MAPRE2: variants seen among roughly 807,000 people sequenced by gnomAD.
The protein encoded by MAPRE2 is microtubule associated protein RP/EB family member 2.
Under a neutral mutation model 43.2 loss-of-function variants are expected in MAPRE2, and 13 were observed. The observed-to-expected ratio is 0.30, with a 90% CI of 0.20 to 0.48. MAPRE2 has a LOEUF of 0.48. Ranked by LOEUF, MAPRE2 falls within the 20% of genes least tolerant of loss-of-function variation. The probability of loss-of-function intolerance (pLI) is 0.99; values close to 1 mark genes in which losing one functional copy is unlikely to be tolerated. For synonymous variants in MAPRE2, 135 were observed against 148.8 expected (o/e 0.91, Z 0.68); for missense variants, 161 against 400.2 (o/e 0.40, Z 5.10).
chr18:35,132,091 G>A lies in MAPRE2; in HGVS notation c.810G>A (p.Gly270=), dbSNP rs191795435. ...GVEKERDFYF[G]KLREIELLCQ... The stretch of plus-strand genomic sequence containing the variant: ...AAAAGGAAAGGGATTTCTACTTTGG[G>A]AAGTTGAGAGAGATCGAGCTACTCT... Residue 270 remains glycine (G), a synonymous_variant, in exon 6 of 7, where the codon GGG becomes GGA. Coordinates refer to ENST00000300249, the MANE Select transcript of MAPRE2 (RefSeq NM_014268.4). 2.7e-5 allele frequency: 44 copies of A among 1,614,206 alleles called. No individual in the cohort carries two copies. In the East Asian group the frequency reaches 9.4e-4, roughly 34 times the overall value.
chr18:34,985,582 TA>T (rs2097020336), intron 1 of MAPRE2, among the ~76,000 whole-genome samples: 2 of 84,044 alleles, frequency 2.4e-5, no homozygotes, highest in Admixed American at 4.1e-4. Flanking sequence ...ATATAAACTA[TA>T]AACTATAATA....
intron 1 of MAPRE2, among the ~76,000 whole-genome samples, chr18:34,985,320 A>AT (rs1450359784): frequency 7.3e-5 from 3 of 41,222 alleles, no homozygotes; most frequent in African/African-American, 2.0e-4. Context: ...ATTATATTAT[A>AT]TATATAATAT....
chr18:35,067,024 A>T (rs1449607740), intron 1 of MAPRE2, among the ~76,000 whole-genome samples: 1 of 152,182 alleles, frequency 6.6e-6, no homozygotes, highest in Admixed American at 6.5e-5. Flanking sequence ...ATGGTGAAAA[A>T]TTTCTTGCCT....
chr18:35,100,873 C>G (rs1908643212), intron 3 of MAPRE2, among the ~76,000 whole-genome samples: 1 of 152,076 alleles, frequency 6.6e-6, no homozygotes, highest in Non-Finnish European at 1.5e-5. Flanking sequence ...AACCCCGTCT[C>G]TACTAATAAA....
At chr18:35,086,544 T>C (rs952127830) in intron 2 of MAPRE2, among the ~76,000 whole-genome samples, 1 of 151,994 alleles carries the variant, frequency 6.6e-6, no homozygotes, top group Non-Finnish European at 1.5e-5. Context: ...TTCCTTTATA[T>C]TTCCTTTTAG....
intron 4 of MAPRE2, among the ~76,000 whole-genome samples, chr18:35,125,751 G>A (rs9964490): frequency 0.022 from 3,341 of 152,262 alleles, 114 homozygotes; most frequent in African/African-American, 0.076. Flanking sequence ...GTGTCTGCGC[G>A]TTGTTCTAGG....
intron 2 of MAPRE2, among the ~76,000 whole-genome samples, chr18:35,073,635 T>C (rs1907212744): frequency 6.6e-6 from 1 of 152,214 alleles, no homozygotes; most frequent in Non-Finnish European, 1.5e-5. Flanking sequence ...ATTTTGAATT[T>C]TTTTCCTATT....
chr18:35,059,679 C>T (rs147644369), intron 1 of MAPRE2, among the ~76,000 whole-genome samples: 9 of 152,148 alleles, frequency 5.9e-5, no homozygotes, highest in South Asian at 4.1e-4. Context: ...TAACTGGAAG[C>T]GGCCACTTCA....
chr18:35,081,192 C>A (rs374058173), intron 2 of MAPRE2, among the ~76,000 whole-genome samples: 61 of 152,254 alleles, frequency 4.0e-4, no homozygotes, highest in African/African-American at 1.2e-3. Flanking sequence ...TCACAGAAAT[C>A]TTTTCCTGCT....
upstream of MAPRE2, among the ~76,000 whole-genome samples, chr18:35,039,213 C>A (rs1250964472): frequency 1.3e-5 from 2 of 152,210 alleles, no homozygotes; most frequent in Non-Finnish European, 2.9e-5. Flanking sequence ...GTAGACTGTG[C>A]CTTTCAATTT....
At chr18:35,105,212 G>A (rs1160915386) in intron 4 of MAPRE2, among the ~76,000 whole-genome samples, 1 of 152,038 alleles carries the variant, frequency 6.6e-6, no homozygotes, top group African/African-American at 2.4e-5. Flanking sequence ...ACAATGCTCA[G>A]GAAACACATT....
intron 2 of MAPRE2, among the ~76,000 whole-genome samples, chr18:35,010,161 A>G (rs1483478928): frequency 2.0e-5 from 3 of 152,158 alleles, no homozygotes; most frequent in Non-Finnish European, 4.4e-5. Flanking sequence ...CTGACACTGG[A>G]GGATCACTTG....
At chr18:35,080,676 A>G (rs1907588416) in intron 2 of MAPRE2, among the ~76,000 whole-genome samples, 1 of 152,236 alleles carries the variant, frequency 6.6e-6, no homozygotes, top group South Asian at 2.1e-4. Context: ...TTTCTAGTTT[A>G]TCAGACATGT....
At chr18:35,005,213 T>TTTTC (rs975802583) in intron 1 of MAPRE2, among the ~76,000 whole-genome samples, 3 of 152,138 alleles carry the variant, frequency 2.0e-5, no homozygotes, top group African/African-American at 7.2e-5. Context: ...AGAAAAAATA[T>TTTTC]TTTCATAGGA....
At chr18:35,132,931 G>A (rs1314949017) in intron 6 of MAPRE2, among the ~76,000 whole-genome samples, 2 of 152,222 alleles carry the variant, frequency 1.3e-5, no homozygotes, top group African/African-American at 2.4e-5. Context: ...CCAGCAGCCA[G>A]AGGTGGAGGT....
In MAPRE2 at chr18:35,118,985, T is replaced by A. The variant is rs188034602; in HGVS notation, c.611-7963T>A. 4.6e-5 allele frequency among the ~76,000 whole-genome samples: 7 copies of A among 152,312 alleles called. No homozygotes were observed. The East Asian group carries it at 1.4e-3, about 29-fold the overall frequency. On this transcript the variant is annotated intron_variant, in intron 4 of 6. Transcript: ENST00000300249. ...GAGACCTTGAAGAAGGAAGGGTTAC[T>A]CCTGCAACTGGCATGTTCCCTGCAG...
At chr18:34,983,558 C>A (rs1182482748) in intron 1 of MAPRE2, among the ~76,000 whole-genome samples, 1 of 152,152 alleles carries the variant, frequency 6.6e-6, no homozygotes, top group Non-Finnish European at 1.5e-5. Context: ...ACTGTCACTT[C>A]CAACACTTAA....
rs779993362 is a variant in MAPRE2, at chr18:35,005,500, T to G, written c.-61T>G. 8.3e-5 allele frequency: 128 copies of G among 1,538,816 alleles called. No homozygotes were observed. In the African/African-American group the frequency reaches 1.5e-3, roughly 18 times the overall value. On this transcript the variant is annotated 5_prime_UTR_variant, in exon 2 of 8. Transcript: ENST00000413393. ...CATTTTTACTATCCCAGTGTCCTGT[T>G]TCCCAGAGGAACAGTTCATTTCAAC...
At chr18:35,040,969 A>ACCTT (rs1905311451), upstream of MAPRE2, among the ~76,000 whole-genome samples, 1 of 152,236 alleles carries the variant, frequency 6.6e-6, no homozygotes, top group Admixed American at 6.5e-5. Flanking sequence ...CCTTTTCTAC[A>ACCTT]AGCTGGCCAC....
Sources: allele counts gnomAD v4.1 joint callset (sites outside exome capture counted in the v4.1 genomes callset), GRCh38; gene constraint gnomAD v4.1.1; transcripts MANE v1.5; gene names NCBI Gene and HGNC (gene_info 2026-07-23, HGNC 2026-07-21).